Variants in SUN5 observed in about 807,000 individuals in gnomAD.
The protein encoded by SUN5 is Sad1 and UNC84 domain containing 5.
SUN5 carries 44 observed loss-of-function variants against 53.7 expected under a neutral mutation model. The observed-to-expected ratio is 0.82, with a 90% confidence interval of 0.64 to 1.05. The LOEUF is 1.05. Among genes scored for constraint, SUN5 ranks in the 50% least tolerant of loss-of-function variants. The probability of loss-of-function intolerance (pLI) is 0.00; values close to 1 mark genes in which losing one functional copy is unlikely to be tolerated. For synonymous variants in SUN5, 166 were observed against 179.8 expected (o/e 0.92, Z 0.62); for missense variants, 433 against 483.8 (o/e 0.90, Z 0.98).
chr20:32,987,388 C>T (rs1989571644), intron 10 of SUN5, among the ~76,000 whole-genome samples: 2 of 152,078 alleles, frequency 1.3e-5, no homozygotes, highest in African/African-American at 2.4e-5. Context: ...AGCAAGCTGT[C>T]CCTCTGTTTC....
intron 3 of SUN5, among the ~76,000 whole-genome samples, 196 bp downstream of exon 3, chr20:33,002,391 T>C (rs1990072457): frequency 6.6e-6 from 1 of 151,888 alleles, no homozygotes; most frequent in Admixed American, 6.6e-5. Context: ...CCCTCCCAGT[T>C]CCCCTCTCCA....
At chr20:33,000,254 C>T in intron 4 of SUN5, 119 bp from the exon 5 acceptor site, 1 of 1,218,274 alleles carries the variant, frequency 8.2e-7, no homozygotes, top group Non-Finnish European at 1.1e-6. Flanking sequence ...CTTCTTCTCT[C>T]CCTGGTAAAC....
intron 8 of SUN5, among the ~76,000 whole-genome samples, chr20:32,994,042 G>T (rs1366816934): frequency 1.3e-5 from 2 of 152,210 alleles, no homozygotes; most frequent in Admixed American, 6.5e-5. Context: ...TTGCGTTCAT[G>T]CAGGGGTGAG....
chr20:33,002,618 T>G lies in SUN5; in HGVS notation c.180A>C (p.Leu60=). Reference sequence around the variant, plus strand: ...ATCCCAGCATGCACTGAGTCAGGCCTAGGGCTTGGTCATTGTTGCGGACAG... The same window carrying G: ...ATCCCAGCATGCACTGAGTCAGGCCGAGGGCTTGGTCATTGTTGCGGACAG... The part of the protein sequence containing the change: ...LLPVRNNDQA[L]GLTQCMLGCV... Residue 60 remains leucine (L), a synonymous_variant, in exon 3 of 13, where the codon CTA becomes CTC. Coordinates refer to ENST00000356173, the MANE Select transcript of SUN5 (RefSeq NM_080675.4). 1 of 1,614,224 alleles carries G rather than the reference T, an allele frequency of 6.2e-7. No individual in the cohort carries two copies. Among genetic ancestry groups the G allele is most frequent in the Non-Finnish European group, 8.5e-7 (1 of 1,180,038 alleles).
intron 5 of SUN5, among the ~76,000 whole-genome samples, chr20:32,998,934 C>A (rs780425583): frequency 1.3e-4 from 19 of 151,978 alleles, no homozygotes; most frequent in Admixed American, 2.6e-4. Flanking sequence ...ACTCAGGAGG[C>A]TGATGTGGGA....
At chr20:32,989,758 C>G in intron 8 of SUN5, 60 bp from the exon 9 acceptor site, 3 of 1,443,466 alleles carry the variant, frequency 2.1e-6, no homozygotes, top group Non-Finnish European at 2.9e-6. Context: ...GTGATCCCCA[C>G]GTGTCCACGG....
At position 33,002,876 on chromosome 20, in the gene SUN5, TG is replaced by T. The variant is rs1990090283; in HGVS notation, c.120del (p.Asp40GlufsTer6). The T allele has an allele frequency of 6.2e-7, 1 of 1,613,930 alleles. No individual in the cohort carries two copies. The highest frequency in any genetic ancestry group is 1.3e-5 in the African/African-American group (1 of 74,914). ...RGRNTSRMAE[D>X]TSPNMNDNIL... ...CCTTGCTCACTCATGTTTGGGGAGG[TG>T]TCCTCTGCCATCCTGCTGGTGTTCC... On this transcript the variant is annotated frameshift_variant, in exon 2 of 13. Transcript: ENST00000356173. LOFTEE classifies it high-confidence loss of function.
intron 4 of SUN5, 88 bp from the exon 5 acceptor site, chr20:33,000,223 G>A (rs1989965189): frequency 6.9e-7 from 1 of 1,457,052 alleles, no homozygotes; most frequent in African/African-American, 1.4e-5. Flanking sequence ...TTTCTCCGTA[G>A]GCATGCTGTT....
At chr20:32,995,830 G>T in intron 7 of SUN5, 103 bp from the exon 8 acceptor site, 2 of 1,055,100 alleles carry the variant, frequency 1.9e-6, no homozygotes, top group East Asian at 4.7e-5. Flanking sequence ...ATGAGTTTCA[G>T]ATTTTCCTAA....
At chr20:33,003,409 C>T (rs188818458) in intron 1 of SUN5, among the ~76,000 whole-genome samples, 10 of 152,192 alleles carry the variant, frequency 6.6e-5, no homozygotes, top group Admixed American at 2.0e-4. Flanking sequence ...TTCCCCTAGA[C>T]GCCACATTTC....
chr20:32,997,568 T>C, intron 6 of SUN5, 70 bp downstream of exon 6: 2 of 1,548,292 alleles, frequency 1.3e-6, no homozygotes, highest in South Asian at 2.3e-5. Flanking sequence ...TGAATGGAGC[T>C]GTGGAGGTGA....
At chr20:32,988,713 C>G (rs1251034423) in intron 9 of SUN5, among the ~76,000 whole-genome samples, 3 of 151,654 alleles carry the variant, frequency 2.0e-5, no homozygotes, top group South Asian at 2.1e-4. Flanking sequence ...CTCAGCCTCC[C>G]GAGTAGCTGG....
chr20:32,999,984 G>A (rs746965653), intron 5 of SUN5, 90 bp downstream of exon 5: 2 of 1,562,570 alleles, frequency 1.3e-6, no homozygotes, highest in Non-Finnish European at 8.7e-7. Context: ...TGAGTCACGT[G>A]GCAGTGCAGT....
rs1336081889 is a variant in SUN5, at chr20:32,985,246, C to T, written c.898-61G>A. On this transcript the variant is annotated intron_variant, in intron 11 of 12. Transcript: ENST00000356173. ...CAAGCAGGGCCCTCAGAGGGTGTCTCCCCTCTCCAGTGGAGACTTGCACAC... is the reference window on the plus strand; with the variant it reads ...CAAGCAGGGCCCTCAGAGGGTGTCTTCCCTCTCCAGTGGAGACTTGCACAC... The T allele has an allele frequency of 1.0e-5, 15 of 1,505,406 alleles. 1 individual carries two copies. Among genetic ancestry groups the T allele is most frequent in the Middle Eastern group, 1.7e-4 (1 of 5,870 alleles). The allele number at this position is 1,505,406 out of a possible 1,614,324, so 93.3% of individuals were successfully genotyped here.
At chr20:33,001,520 TTC>T (rs1491291141) in intron 3 of SUN5, among the ~76,000 whole-genome samples, 2 of 1,184 alleles carry the variant, frequency 1.7e-3, no homozygotes, top group East Asian at 6.0e-3. Context: ...TCTTTCTTTC[TTC>T]TTTCTTTCTT....
intron 5 of SUN5, among the ~76,000 whole-genome samples, chr20:32,999,405 C>A (rs1989938956): frequency 6.6e-6 from 1 of 152,056 alleles, no homozygotes; most frequent in African/African-American, 2.4e-5. Flanking sequence ...CCAGCCTGGC[C>A]AAGATGATGA....
At position 32,985,102 on chromosome 20, in the gene SUN5, G is replaced by T. The variant is rs370021479; in HGVS notation, c.981C>A (p.Leu327=). Residue 327 remains leucine (L), a synonymous_variant, in exon 12 of 13, where the codon CTC becomes CTA. Transcript: ENST00000356173. Reference sequence around the variant, plus strand: ...ACAGGCAGCTCTTCGCAGGTACCTGGAGTGGGAACATCTGGATGATGTTTT... The same window carrying T: ...ACAGGCAGCTCTTCGCAGGTACCTGTAGTGGGAACATCTGGATGATGTTTT... The part of the protein sequence containing the change: ...QPENIIQMFP[L]QNQPARAFSA... The T allele has an allele frequency of 6.2e-7, 1 of 1,614,138 alleles. No individual in the cohort carries two copies. Among genetic ancestry groups the T allele is most frequent in the African/African-American group, 1.3e-5 (1 of 75,046 alleles).
chr20:33,002,919 C>G lies in SUN5; in HGVS notation c.78G>C (p.Arg26Ser). The change falls in exon 2 of 13, where the codon AGG becomes AGC. Residue 26 changes from arginine to serine, a missense_variant and splice_region_variant. Coordinates refer to ENST00000356173, the MANE Select transcript of SUN5 (RefSeq NM_080675.4). ...EDVAHNPRPR[R>S]IAQRGRNTSR... Reference sequence around the variant, plus strand: ...TGGTGTTCCGGCCTCGCTGGGCAATCCTGGGGATGATAAGATTCATAGTCG... The same window carrying G: ...TGGTGTTCCGGCCTCGCTGGGCAATGCTGGGGATGATAAGATTCATAGTCG... The G allele has an allele frequency of 6.2e-7, 1 of 1,614,124 alleles. No individual in the cohort carries two copies. The highest frequency in any genetic ancestry group is 8.5e-7 in the Non-Finnish European group (1 of 1,180,016).
intron 8 of SUN5, among the ~76,000 whole-genome samples, chr20:32,991,992 G>A (rs1239029806): frequency 6.6e-6 from 1 of 152,236 alleles, no homozygotes; most frequent in African/African-American, 2.4e-5. Flanking sequence ...GGGGCCCTGT[G>A]TGGGTGCTGA....
Sources: gnomAD v4.1 joint callset for allele counts (sites outside exome capture counted in the v4.1 genomes callset) on GRCh38, gnomAD v4.1.1 for gene constraint, MANE v1.5 for transcripts, NCBI Gene and HGNC (gene_info 2026-07-23, HGNC 2026-07-21) for gene names.